Variants in ATP8B1 observed in about 807,000 individuals in gnomAD.
ATP8B1 encodes ATPase phospholipid transporting 8B1.
In ATP8B1, 80 loss-of-function variants were observed where a neutral mutation model predicts 149.9. The observed-to-expected ratio is 0.53, with a 90% confidence interval of 0.45 to 0.64. The LOEUF (loss-of-function observed/expected upper bound fraction) is 0.64, where lower values mean the gene tolerates loss of function less well. Ranked by LOEUF, ATP8B1 falls within the 30% of genes least tolerant of loss-of-function variation. ATP8B1 has a pLI of 0.00. For missense variants in ATP8B1, 1,247 were observed against 1,552.6 expected (o/e 0.80, Z 3.31); for synonymous variants, 536 against 562.8 (o/e 0.95, Z 0.67).
chr18:57,698,609 A>G (rs1271326805), intron 6 of ATP8B1, among the ~76,000 whole-genome samples: 1 of 152,220 alleles, frequency 6.6e-6, no homozygotes. Context: ...TGCTGGGATT[A>G]TAGGCATGAG....
chr18:57,771,930 T>C (rs2080267669), intron 1 of ATP8B1, among the ~76,000 whole-genome samples: 1 of 152,168 alleles, frequency 6.6e-6, no homozygotes, highest in South Asian at 2.1e-4. Flanking sequence ...CGATTAAAAC[T>C]ACAATCGACA....
At chr18:57,653,896 G>C in intron 24 of ATP8B1, 96 bp downstream of exon 24, 1 of 1,125,720 alleles carries the variant, frequency 8.9e-7, no homozygotes, top group Non-Finnish European at 1.3e-6. Context: ...TCAGAAAGAA[G>C]TAAACACCAG....
chr18:57,795,768 G>A (rs1184717505), intron 1 of ATP8B1, among the ~76,000 whole-genome samples: 2 of 152,170 alleles, frequency 1.3e-5, no homozygotes, highest in African/African-American at 2.4e-5. Flanking sequence ...AAAAAGTTCT[G>A]AAGGTGGATG....
rs1440484587 is a variant in ATP8B1 at position 57,756,208 on chromosome 18, T to TAC, written c.-25-24377_-25-24376insGT. Among the ~76,000 whole-genome samples the TAC allele has an allele frequency of 1.2e-4, 10 of 84,728 alleles. 1 individual carries two copies. The highest frequency in any genetic ancestry group is 3.5e-4 in the South Asian group (1 of 2,836). 55.6% of individuals were successfully genotyped at this position (84,728 alleles called of 152,430 possible). On this transcript the variant is annotated intron_variant, in intron 1 of 27. Coordinates refer to ENST00000648908, the MANE Select transcript of ATP8B1 (RefSeq NM_001374385.1). ...TTTCCACAACATATATATATATATATATACACACACACACACACACACACA... is the reference window on the plus strand; with the variant it reads ...TTTCCACAACATATATATATATATATACATACACACACACACACACACACACA...
chr18:57,799,653 G>T (rs1408226486), intron 1 of ATP8B1, among the ~76,000 whole-genome samples: 2 of 147,120 alleles, frequency 1.4e-5, no homozygotes, highest in Non-Finnish European at 3.0e-5. Flanking sequence ...AGGTTGCAGT[G>T]AGATTACACC....
intron 11 of ATP8B1, 68 bp from the exon 12 acceptor site, chr18:57,692,065 C>T: frequency 6.4e-7 from 1 of 1,555,750 alleles, no homozygotes; most frequent in Middle Eastern, 1.7e-4. Flanking sequence ...TTCCTAGATG[C>T]TAATTAACCT....
intron 6 of ATP8B1, among the ~76,000 whole-genome samples, chr18:57,700,211 C>T (rs1913051227): frequency 6.6e-6 from 1 of 152,096 alleles, no homozygotes; most frequent in South Asian, 2.1e-4. Context: ...AAAACATCTA[C>T]AATTTCGTCA....
chr18:57,661,093 AG>A, intron 22 of ATP8B1, 80 bp downstream of exon 22: 9 of 1,546,638 alleles, frequency 5.8e-6, no homozygotes, highest in Non-Finnish European at 7.9e-6. Flanking sequence ...ATCTAAAAAA[AG>A]AAAATCCACC....
chr18:57,658,029 C>T (rs755526602), intron 22 of ATP8B1, among the ~76,000 whole-genome samples: 1 of 151,728 alleles, frequency 6.6e-6, no homozygotes, highest in Non-Finnish European at 1.5e-5. Context: ...AATATTTCCT[C>T]GCTACAGCAA....
chr18:57,785,049 T>C (rs2571227), intron 1 of ATP8B1, among the ~76,000 whole-genome samples: 56,845 of 152,126 alleles, frequency 0.37, 13,377 homozygotes, highest in African/African-American at 0.66. Context: ...ATCATTTCAA[T>C]TTTCTCATGT....
chr18:57,666,874 G>T lies in ATP8B1; in HGVS notation c.2285+218C>A, dbSNP rs4308033. Among the ~76,000 whole-genome samples the T allele has an allele frequency of 0.33, 49,522 of 151,960 alleles. 8,661 individuals carry two copies. The highest frequency in any genetic ancestry group is 0.39 in the Non-Finnish European group (26,725 of 67,912). On this transcript the variant is annotated intron_variant, in intron 20 of 27. Transcript: ENST00000648908. Reference sequence around the variant, plus strand: ...AATGGAGAAAAATGGCCTCTGAAGGGCCCCAAGTTTCCCTAAAAGTAAAAT... The same window carrying T: ...AATGGAGAAAAATGGCCTCTGAAGGTCCCCAAGTTTCCCTAAAAGTAAAAT...
intron 1 of ATP8B1, among the ~76,000 whole-genome samples, chr18:57,763,882 T>C (rs1260514916): frequency 6.6e-6 from 1 of 152,186 alleles, no homozygotes; most frequent in Non-Finnish European, 1.5e-5. Flanking sequence ...AGGTAGGTAG[T>C]TCCTGCACGG....
chr18:57,658,627 T>TTGTGTGTGTG lies in ATP8B1; in HGVS notation c.2707+2537_2707+2546dup, dbSNP rs71171058. Among the ~76,000 whole-genome samples the TTGTGTGTGTG allele has an allele frequency of 6.5e-3, 939 of 145,072 alleles. 4 individuals are homozygous for TTGTGTGTGTG. The highest frequency in any genetic ancestry group is 0.02 in the African/African-American group (779 of 38,958). ...GACTACTTTATGACCAACAATTTCT[T>TTGTGTGTGTG]TGTGTGTGTGTGTGTGTGTGTGTGT... On this transcript the variant is annotated intron_variant, in intron 22 of 27. Transcript: ENST00000648908.
intron 20 of ATP8B1, among the ~76,000 whole-genome samples, chr18:57,665,613 C>G (rs1288464938): frequency 6.6e-6 from 1 of 151,826 alleles, no homozygotes; most frequent in African/African-American, 2.4e-5. Context: ...AGTGTAGTGG[C>G]ACTATCTTGG....
intron 1 of ATP8B1, among the ~76,000 whole-genome samples, chr18:57,742,852 G>A (rs76167602): frequency 0.13 from 20,092 of 151,480 alleles, 1,798 homozygotes; most frequent in South Asian, 0.28. Context: ...AAAACAGACT[G>A]GTTCTTGTTT....
In ATP8B1 at chr18:57,672,340, A is replaced by C. The variant is rs569577981; in HGVS notation, c.1820-760T>G. On this transcript the variant is annotated intron_variant, in intron 16 of 27. Coordinates refer to ENST00000648908, the MANE Select transcript of ATP8B1 (RefSeq NM_001374385.1). Reference sequence around the variant, plus strand: ...TTGATTAATGCAATAATTGTAATACATCCCTCACTGTTAACCAGATTTTAA... The same window carrying C: ...TTGATTAATGCAATAATTGTAATACCTCCCTCACTGTTAACCAGATTTTAA... Among the ~76,000 whole-genome samples the C allele has an allele frequency of 2.0e-5, 3 of 152,306 alleles. No homozygotes were observed. In the South Asian group the frequency reaches 6.2e-4, roughly 32 times the overall value.
At chr18:57,694,502 G>A (rs1912702229) in intron 11 of ATP8B1, 80 bp downstream of exon 11, 4 of 996,122 alleles carry the variant, frequency 4.0e-6, no homozygotes, top group Middle Eastern at 2.7e-4. Context: ...GTAAGATTTT[G>A]TATTAGAAAA....
At chr18:57,661,106 C>G in intron 22 of ATP8B1, 68 bp downstream of exon 22, 1 of 1,581,270 alleles carries the variant, frequency 6.3e-7, no homozygotes, top group Non-Finnish European at 8.6e-7. Context: ...AAATCCACCC[C>G]CTACACATTC....
At chr18:57,691,767 T>C in intron 12 of ATP8B1, 40 bp downstream of exon 12, 1 of 1,609,108 alleles carries the variant, frequency 6.2e-7, no homozygotes, top group Non-Finnish European at 8.5e-7. Flanking sequence ...AGGTACAACA[T>C]TCTTCCATTA....
Sources: allele counts gnomAD v4.1 joint callset (sites outside exome capture counted in the v4.1 genomes callset), GRCh38; gene constraint gnomAD v4.1.1; transcripts MANE v1.5; gene names NCBI Gene and HGNC (gene_info 2026-07-23, HGNC 2026-07-21).